Variants in DCC observed in about 807,000 individuals in gnomAD.
DCC encodes the protein netrin receptor DCC.
Under a neutral mutation model 172.5 loss-of-function variants are expected in DCC, and 58 were observed. That is an observed-to-expected ratio of 0.34 (90% CI 0.27 to 0.42). DCC has a LOEUF of 0.42. Ranked by LOEUF, DCC falls within the 10% of genes least tolerant of loss-of-function variation. The pLI is 1.00. For synonymous variants in DCC, 709 were observed against 644.5 expected (o/e 1.10, Z -1.52); for missense variants, 1,740 against 1,791.0 (o/e 0.97, Z 0.51).
chr18:53,285,864 G>T (rs1430100931), intron 12 of DCC, among the ~76,000 whole-genome samples: 2 of 152,222 alleles, frequency 1.3e-5, no homozygotes, highest in Admixed American at 1.3e-4. Context: ...GTGAGACATG[G>T]AGTCAAAGGA....
chr18:52,412,424 T>C (rs1217264194), intron 1 of DCC, among the ~76,000 whole-genome samples: 3 of 152,088 alleles, frequency 2.0e-5, no homozygotes, highest in Non-Finnish European at 4.4e-5. Context: ...TACTATACTA[T>C]ACTGTAAAAC....
intron 14 of DCC, among the ~76,000 whole-genome samples, chr18:53,325,918 G>T (rs571686725): frequency 1.4e-4 from 22 of 152,300 alleles, no homozygotes; most frequent in African/African-American, 5.1e-4. Flanking sequence ...ACAAACTTCA[G>T]AGAAAGGGGG....
chr18:52,411,090 T>C (rs1986828898), intron 1 of DCC, among the ~76,000 whole-genome samples: 1 of 152,202 alleles, frequency 6.6e-6, no homozygotes, highest in South Asian at 2.1e-4. Context: ...ACTCTACTTT[T>C]TATCACTTTC....
chr18:53,105,774 G>T (rs1002520694), intron 7 of DCC, among the ~76,000 whole-genome samples: 3 of 151,602 alleles, frequency 2.0e-5, no homozygotes. Flanking sequence ...TTTTTGCAGC[G>T]AATAGGTTAT....
intron 2 of DCC, 108 bp downstream of exon 2, chr18:52,752,482 CTT>C: frequency 1.1e-6 from 1 of 873,378 alleles, no homozygotes; most frequent in Non-Finnish European, 1.8e-6. Context: ...TTTTAAAAAT[CTT>C]TTAAATTTTA....
intron 8 of DCC, among the ~76,000 whole-genome samples, chr18:53,169,506 C>A (rs1289955014): frequency 6.6e-6 from 1 of 152,094 alleles, no homozygotes; most frequent in African/African-American, 2.4e-5. Flanking sequence ...TTACTTCAAT[C>A]GACTTATCCT....
At chr18:53,221,903 GT>G (rs1304185468) in intron 12 of DCC, among the ~76,000 whole-genome samples, 1 of 152,078 alleles carries the variant, frequency 6.6e-6, no homozygotes, top group Non-Finnish European at 1.5e-5. Flanking sequence ...TTTATAAATT[GT>G]TTTTAGAAAA....
chr18:52,712,452 C>A (rs112987742), intron 1 of DCC, among the ~76,000 whole-genome samples: 6 of 152,318 alleles, frequency 3.9e-5, no homozygotes, highest in African/African-American at 1.4e-4. Flanking sequence ...GCTACTCAAT[C>A]TTTACCATAA....
At chr18:52,815,805 T>C (rs1395906541) in intron 2 of DCC, among the ~76,000 whole-genome samples, 3 of 152,250 alleles carry the variant, frequency 2.0e-5, no homozygotes, top group Admixed American at 6.5e-5. Context: ...GGACATGTTA[T>C]ATAAATATCT....
chr18:53,528,753 C>T (rs115937491), intron 28 of DCC, among the ~76,000 whole-genome samples: 1 of 152,008 alleles, frequency 6.6e-6, no homozygotes, highest in Non-Finnish European at 1.5e-5. Flanking sequence ...ATTATCATCT[C>T]AACATGCAAT....
At chr18:52,658,931 T>A (rs2035306902) in intron 1 of DCC, among the ~76,000 whole-genome samples, 1 of 152,202 alleles carries the variant, frequency 6.6e-6, no homozygotes, top group Non-Finnish European at 1.5e-5. Flanking sequence ...GAATTTGTCA[T>A]TCAATATAAT....
intron 8 of DCC, among the ~76,000 whole-genome samples, chr18:53,165,265 T>C (rs1357804879): frequency 6.6e-6 from 1 of 152,188 alleles, no homozygotes; most frequent in African/African-American, 2.4e-5. Flanking sequence ...CTTGCAGCAA[T>C]ATATGCTTCA....
chr18:52,433,874 C>T (rs1987704859), intron 1 of DCC, among the ~76,000 whole-genome samples: 1 of 152,102 alleles, frequency 6.6e-6, no homozygotes. Context: ...CATGCAGAGA[C>T]TCAAGTGTTG....
At chr18:53,176,453 A>G (rs1477470087) in intron 8 of DCC, among the ~76,000 whole-genome samples, 2 of 149,472 alleles carry the variant, frequency 1.3e-5, no homozygotes, top group Admixed American at 6.7e-5. Context: ...AATATCCAGT[A>G]TCTACAATGA....
At chr18:53,399,202 C>A (rs776488154) in intron 18 of DCC, among the ~76,000 whole-genome samples, 1 of 152,088 alleles carries the variant, frequency 6.6e-6, no homozygotes, top group African/African-American at 2.4e-5. Flanking sequence ...TATTCCTAGG[C>A]TGTAGAAGTG....
intron 23 of DCC, among the ~76,000 whole-genome samples, chr18:53,451,813 T>C (rs904886452): frequency 6.6e-6 from 1 of 151,652 alleles, no homozygotes; most frequent in Non-Finnish European, 1.5e-5. Flanking sequence ...TCCAGCACTC[T>C]GAAGTGACAT....
chr18:52,718,404 G>A (rs2036422592), intron 1 of DCC, among the ~76,000 whole-genome samples: 1 of 152,164 alleles, frequency 6.6e-6, no homozygotes, highest in Admixed American at 6.5e-5. Context: ...AAGGATGACA[G>A]GGCAAGGTTT....
chr18:52,746,329 C>A (rs897301471), intron 1 of DCC, among the ~76,000 whole-genome samples: 1 of 152,138 alleles, frequency 6.6e-6, no homozygotes, highest in Non-Finnish European at 1.5e-5. Context: ...TTATGCATAG[C>A]AAGTTCTATG....
intron 1 of DCC, among the ~76,000 whole-genome samples, chr18:52,567,924 C>T (rs1196285785): frequency 1.3e-5 from 2 of 152,078 alleles, no homozygotes; most frequent in Non-Finnish European, 2.9e-5. Context: ...TAAAATGTCA[C>T]AGAACTTAAT....
Sources: gnomAD v4.1 joint callset for allele counts (sites outside exome capture counted in the v4.1 genomes callset) on GRCh38, gnomAD v4.1.1 for gene constraint, MANE v1.5 for transcripts, NCBI Gene and HGNC (gene_info 2026-07-23, HGNC 2026-07-21) for gene names.